Variants in CDH12 observed in about 807,000 individuals in gnomAD.
CDH12 encodes the protein cadherin-12.
In CDH12, 41 loss-of-function variants were observed where a neutral mutation model predicts 74.1. The observed-to-expected ratio is 0.55, with a 90% CI of 0.43 to 0.72. CDH12 has a LOEUF of 0.72. CDH12 is among the 30% of genes least tolerant of loss of function. CDH12 has a pLI of 0.00. For synonymous variants in CDH12, 399 were observed against 355.0 expected (o/e 1.12, Z -1.39); for missense variants, 945 against 977.2 (o/e 0.97, Z 0.44).
intron 11 of CDH12, among the ~76,000 whole-genome samples, chr5:21,778,667 A>C (rs1745740187): frequency 6.6e-6 from 1 of 152,030 alleles, no homozygotes; most frequent in Non-Finnish European, 1.5e-5. Flanking sequence ...ATTACTTACC[A>C]AAATTTACAA....
rs143944805 is a variant in CDH12, at chr5:22,547,117, TC to T, written c.-522-41754del. Among the ~76,000 whole-genome samples, 1,031 of 152,246 alleles carry T rather than the reference TC, an allele frequency of 6.8e-3. 12 individuals carry two copies. The highest frequency in any genetic ancestry group is 0.023 in the African/African-American group (967 of 41,556). On this transcript the variant is annotated intron_variant, in intron 1 of 14. Transcript: ENST00000382254. ...CAGAAAACAGTGTCCTAAAGAAAGT[TC>T]ATCTCAGAAAAACTGTTGTAATTAA... is the stretch of plus-strand genomic sequence containing the variant.
chr5:22,724,156 A>T (rs911183222), intron 1 of CDH12, among the ~76,000 whole-genome samples: 1 of 151,950 alleles, frequency 6.6e-6, no homozygotes, highest in Non-Finnish European at 1.5e-5. Flanking sequence ...ATCTATCATT[A>T]ACATACTACT....
At chr5:22,010,121 A>G (rs1048884054) in intron 5 of CDH12, among the ~76,000 whole-genome samples, 1 of 152,080 alleles carries the variant, frequency 6.6e-6, no homozygotes, top group African/African-American at 2.4e-5. Flanking sequence ...AAATTTATAT[A>G]CTAAGTTATT....
intron 1 of CDH12, among the ~76,000 whole-genome samples, chr5:22,507,102 T>C (rs556882274): frequency 6.6e-6 from 1 of 152,176 alleles, no homozygotes; most frequent in South Asian, 2.1e-4. Context: ...CTACTAAAGT[T>C]CATTACGCTT....
In CDH12 at chr5:22,564,208, A is replaced by G. The variant is rs143949799; in HGVS notation, c.-522-58844T>C. On this transcript the variant is annotated intron_variant, in intron 1 of 14. Coordinates refer to ENST00000382254, the MANE Select transcript of CDH12 (RefSeq NM_004061.5). ...CTGAATTCTTCATTAGCTTTCAGTAAATGGTGTCATATCGTACATACTTTA... is the reference window on the plus strand; with the variant it reads ...CTGAATTCTTCATTAGCTTTCAGTAGATGGTGTCATATCGTACATACTTTA... Among the ~76,000 whole-genome samples, 372 of 152,330 alleles carry G rather than the reference A, an allele frequency of 2.4e-3. 3 individuals are homozygous for G. Among genetic ancestry groups the G allele is most frequent in the African/African-American group, 8.7e-3 (361 of 41,574 alleles).
In CDH12 at chr5:21,765,058, C is replaced by G; in HGVS notation, c.1435G>C (p.Val479Leu). The change falls in exon 12 of 15, where the codon GTC (valine) becomes CTC (leucine). Residue 479 changes from valine to leucine, a missense_variant. Val to Leu is a conservative substitution (Grantham distance 32). This residue lies in a region of CDH12 where 791 missense variants were observed against 792.8 expected (regional missense o/e 1.00). Transcript: ENST00000382254. Reference sequence around the variant, plus strand: ...GGAGGAAATTCATTTACATCTAAGACATTAATCAGTATATTGACTTTGCTG... The same window carrying G: ...GGAGGAAATTCATTTACATCTAAGAGATTAATCAGTATATTGACTTTGCTG... Reference protein sequence around the residue: ...LTSKVNILINVLDVNEFPPEI... With the variant: ...LTSKVNILINLLDVNEFPPEI... 1 of 1,608,098 alleles carries G rather than the reference C, an allele frequency of 6.2e-7. No individual in the cohort carries two copies. Among genetic ancestry groups the G allele is most frequent in the Non-Finnish European group, 8.5e-7 (1 of 1,176,170 alleles).
At chr5:21,757,350 A>AT in intron 13 of CDH12, among the ~76,000 whole-genome samples, 1 of 151,940 alleles carries the variant, frequency 6.6e-6, no homozygotes, top group East Asian at 1.9e-4. Flanking sequence ...GAATTTTTGT[A>AT]TTTTTAGGAG....
rs1455716412 is a variant in CDH12 at position 21,760,642 on chromosome 5, G to C, written c.1549C>G (p.Leu517Val). 1 of 1,609,784 alleles carries C rather than the reference G, an allele frequency of 6.2e-7. No individual in the cohort carries two copies. The highest frequency in any genetic ancestry group is 8.5e-7 in the Non-Finnish European group (1 of 1,176,910). The stretch of plus-strand genomic sequence containing the variant: ...GAGAATTGTTGCCCAGCAGGTGAAA[G>C]ATCTCGGTCTGCAGCACTGACTATC... ...IQIVSAADRDLSPAGQQFSFR... is the reference protein window; with the variant it reads ...IQIVSAADRDVSPAGQQFSFR... The change falls in exon 13 of 15, where the codon CTT becomes GTT. Residue 517 changes from leucine (L) to valine (V), a missense_variant. Leu to Val is a conservative substitution (Grantham distance 32, BLOSUM62 1). Coordinates refer to ENST00000382254, the MANE Select transcript of CDH12 (RefSeq NM_004061.5).
intron 3 of CDH12, among the ~76,000 whole-genome samples, chr5:22,338,035 A>G (rs1485822992): frequency 6.6e-6 from 1 of 152,170 alleles, no homozygotes; most frequent in East Asian, 1.9e-4. Context: ...ATAAAAGTAG[A>G]GCTACCATAT....
At chr5:22,343,309 CACAGACACACACACAGAG>C (rs1739959481) in intron 3 of CDH12, among the ~76,000 whole-genome samples, 1 of 127,390 alleles carries the variant, frequency 7.8e-6, no homozygotes, top group Non-Finnish European at 1.6e-5. Context: ...CACACACACA[CACAGACACACACACAGAG>C]AGAGAGAGAG....
chr5:21,848,961 G>A (rs987180876), intron 7 of CDH12, among the ~76,000 whole-genome samples: 67 of 151,718 alleles, frequency 4.4e-4, no homozygotes, highest in African/African-American at 1.5e-3. Flanking sequence ...CTGTCAGGTC[G>A]TATGTTATAG....
chr5:22,711,801 T>G (rs1743301825), intron 1 of CDH12, among the ~76,000 whole-genome samples: 1 of 152,088 alleles, frequency 6.6e-6, no homozygotes, highest in Admixed American at 6.6e-5. Context: ...AAAAAACACT[T>G]GAACTAAATG....
chr5:21,853,106 AC>A (rs1750559144), intron 7 of CDH12, among the ~76,000 whole-genome samples: 1 of 151,492 alleles, frequency 6.6e-6, no homozygotes, highest in Admixed American at 6.6e-5. Context: ...CACCTTTTCT[AC>A]AAAAATATAT....
chr5:21,956,093 CTA>C (rs750033656), intron 6 of CDH12, among the ~76,000 whole-genome samples: 10 of 151,648 alleles, frequency 6.6e-5, no homozygotes, highest in Admixed American at 2.0e-4. Context: ...AGAGAAAAAA[CTA>C]TGTTAGTATT....
intron 6 of CDH12, among the ~76,000 whole-genome samples, chr5:21,898,135 G>C (rs1753209629): frequency 6.6e-6 from 1 of 151,958 alleles, no homozygotes; most frequent in Non-Finnish European, 1.5e-5. Context: ...AAAAAACTTG[G>C]CTTACTTTAG....
At chr5:22,831,794 A>G (rs1736626585) in intron 1 of CDH12, among the ~76,000 whole-genome samples, 2 of 151,980 alleles carry the variant, frequency 1.3e-5, no homozygotes, top group Admixed American at 1.3e-4. Context: ...GCTACTCAGG[A>G]GGCTGAGGCA....
chr5:21,986,017 G>A (rs1757501665), intron 5 of CDH12, among the ~76,000 whole-genome samples: 2 of 151,970 alleles, frequency 1.3e-5, no homozygotes, highest in Admixed American at 1.3e-4. Flanking sequence ...TGAGCAAGAG[G>A]GATACCACTT....
At chr5:22,521,875 G>T (rs564394297) in intron 1 of CDH12, among the ~76,000 whole-genome samples, 1 of 152,268 alleles carries the variant, frequency 6.6e-6, no homozygotes, top group South Asian at 2.1e-4. Context: ...CCTCCAAATA[G>T]AGTTTCCTAC....
intron 3 of CDH12, among the ~76,000 whole-genome samples, chr5:22,364,734 G>T (rs1202893690): frequency 1.3e-5 from 2 of 152,148 alleles, no homozygotes; most frequent in Non-Finnish European, 2.9e-5. Flanking sequence ...ATGCACCAAT[G>T]TTACCTTAGC....
Sources: gnomAD v4.1 joint callset for allele counts (sites outside exome capture counted in the v4.1 genomes callset) on GRCh38, gnomAD v4.1.1 for gene constraint, gnomAD v4.1.1 regional missense constraint, MANE v1.5 for transcripts, NCBI Gene and HGNC (gene_info 2026-07-23, HGNC 2026-07-21) for gene names.